The following KCNMB2 variants were observed in gnomAD, a reference collection of about 807,000 sequenced individuals.
The protein encoded by KCNMB2 is calcium-activated potassium channel subunit beta-2.
A neutral mutation model predicts 24.5 loss-of-function variants in KCNMB2; 9 were observed. That is an observed-to-expected ratio of 0.37 (90% CI 0.22 to 0.64). The LOEUF is 0.64. KCNMB2 is among the 30% of genes least tolerant of loss of function. The probability of loss-of-function intolerance (pLI) is 0.63; values close to 1 mark genes in which losing one functional copy is unlikely to be tolerated. For missense variants in KCNMB2, 226 were observed against 284.3 expected (o/e 0.79, Z 1.47); for synonymous variants, 109 against 104.4 (o/e 1.04, Z -0.27).
At chr3:178,744,587 T>C (rs906053156) in intron 1 of KCNMB2, among the ~76,000 whole-genome samples, 1 of 152,192 alleles carries the variant, frequency 6.6e-6, no homozygotes, top group Non-Finnish European at 1.5e-5. Context: ...TTGACAAACC[T>C]TGTTTCTTCA....
At chr3:178,838,478 CG>C (rs1337631257) in intron 4 of KCNMB2, among the ~76,000 whole-genome samples, 10 of 151,552 alleles carry the variant, frequency 6.6e-5, no homozygotes, top group African/African-American at 2.4e-4. Flanking sequence ...ACGTGGTTTA[CG>C]ATAAATGCCA....
chr3:178,791,363 C>A (rs1203361866), intron 1 of KCNMB2, among the ~76,000 whole-genome samples: 1 of 152,178 alleles, frequency 6.6e-6, no homozygotes, highest in Admixed American at 6.5e-5. Context: ...AGTCTTCCAA[C>A]AGCTGAACTA....
chr3:178,742,615 C>G (rs191090736), intron 1 of KCNMB2, among the ~76,000 whole-genome samples: 178 of 152,270 alleles, frequency 1.2e-3, no homozygotes, highest in Non-Finnish European at 2.5e-4. Context: ...ATTAACACCT[C>G]AGTTGAAACC....
intron 1 of KCNMB2, among the ~76,000 whole-genome samples, chr3:178,566,023 A>T (rs1372663432): frequency 6.6e-6 from 1 of 152,224 alleles, no homozygotes; most frequent in East Asian, 1.9e-4. Context: ...ATCAGGGCAG[A>T]TTCTTACTGG....
chr3:178,548,340 G>T (rs1715841910), intron 1 of KCNMB2, among the ~76,000 whole-genome samples: 1 of 152,130 alleles, frequency 6.6e-6, no homozygotes, highest in South Asian at 2.1e-4. Context: ...TAGTTTCCAA[G>T]CATGACCTTG....
chr3:178,745,334 C>T (rs1035248940), intron 1 of KCNMB2, among the ~76,000 whole-genome samples: 2 of 152,202 alleles, frequency 1.3e-5, no homozygotes, highest in African/African-American at 4.8e-5. Context: ...TATAGGAGAA[C>T]TCCCCCTTAT....
chr3:178,665,931 T>C (rs1348114180), intron 1 of KCNMB2, among the ~76,000 whole-genome samples: 1 of 152,192 alleles, frequency 6.6e-6, no homozygotes, highest in Non-Finnish European at 1.5e-5. Context: ...TGTCCAAGAA[T>C]AGCATCCCCG....
At position 178,539,533 on chromosome 3, in the gene KCNMB2, G is replaced by A. The variant is rs542814299; in HGVS notation, c.-68+2822G>A. 8.5e-5 allele frequency among the ~76,000 whole-genome samples: 13 copies of A among 152,192 alleles called. No individual in the cohort carries two copies. In the East Asian group the frequency reaches 2.5e-3, roughly 29 times the overall value. On this transcript the variant is annotated intron_variant, in intron 1 of 4. Transcript: ENST00000452583. ...TGTCTGTGATCCTGCTGCATATCAT[G>A]TAGTATGTCTTCACCTCAAATTCCA... is the stretch of plus-strand genomic sequence containing the variant.
chr3:178,761,854 A>G (rs895073592), intron 1 of KCNMB2, among the ~76,000 whole-genome samples: 1 of 152,178 alleles, frequency 6.6e-6, no homozygotes, highest in East Asian at 1.9e-4. Context: ...TCAGATTGTG[A>G]GGACTATGAA....
intron 4 of KCNMB2, among the ~76,000 whole-genome samples, chr3:178,833,717 G>C (rs1715126210): frequency 6.6e-6 from 1 of 152,152 alleles, no homozygotes; most frequent in Admixed American, 6.6e-5. Context: ...CAATCTGTCT[G>C]CAACTTGGTA....
In KCNMB2 at chr3:178,798,074, T is replaced by C. The variant is rs558892948; in HGVS notation, c.-67-9269T>C. Among the ~76,000 whole-genome samples the C allele has an allele frequency of 5.9e-5, 9 of 152,326 alleles. No homozygotes were observed. The South Asian group carries it at 1.7e-3, about 28-fold the overall frequency. On this transcript the variant is annotated intron_variant, in intron 1 of 4. Coordinates refer to ENST00000452583, the MANE Select transcript of KCNMB2 (RefSeq NM_181361.3). ...GTTTTCTAGATATAGGATCATGTCATGTGCAAACAAAGACAATTTGACTTC... is the reference window on the plus strand; with the variant it reads ...GTTTTCTAGATATAGGATCATGTCACGTGCAAACAAAGACAATTTGACTTC...
At chr3:178,724,758 G>A (rs753919825) in intron 1 of KCNMB2, among the ~76,000 whole-genome samples, 43 of 151,982 alleles carry the variant, frequency 2.8e-4, no homozygotes, top group Admixed American at 2.0e-3. Flanking sequence ...ATTGAATAGC[G>A]TACCTTTTCC....
At chr3:178,800,965 TA>T (rs1417747125) in intron 1 of KCNMB2, among the ~76,000 whole-genome samples, 2 of 152,118 alleles carry the variant, frequency 1.3e-5, no homozygotes, top group Non-Finnish European at 2.9e-5. Context: ...TTGTGGAAGC[TA>T]AAAGTTAAAA....
At chr3:178,820,853 G>A (rs1243323498) in intron 2 of KCNMB2, 1 of 152,154 alleles carries the variant, frequency 6.6e-6, no homozygotes, top group East Asian at 1.9e-4. Context: ...CAAAGGCTTT[G>A]AACAGAATGT....
intron 1 of KCNMB2, among the ~76,000 whole-genome samples, chr3:178,625,327 G>T (rs1393492833): frequency 6.6e-6 from 1 of 152,190 alleles, no homozygotes; most frequent in Non-Finnish European, 1.5e-5. Flanking sequence ...CCAGGCCCAG[G>T]AGCTGGACCC....
At chr3:178,638,535 A>G (rs1216327252) in intron 1 of KCNMB2, among the ~76,000 whole-genome samples, 2 of 152,118 alleles carry the variant, frequency 1.3e-5, no homozygotes, top group East Asian at 3.9e-4. Flanking sequence ...GCCTCCAAAC[A>G]CCTACAGTGT....
intron 1 of KCNMB2, among the ~76,000 whole-genome samples, chr3:178,602,252 T>A (rs1718108302): frequency 6.6e-6 from 1 of 152,014 alleles, no homozygotes; most frequent in African/African-American, 2.4e-5. Flanking sequence ...TAGAGCAGCA[T>A]GAACCCAGAG....
In KCNMB2 at chr3:178,542,342, T is replaced by C. The variant is rs148294828; in HGVS notation, c.-68+5631T>C. Among the ~76,000 whole-genome samples, 285 of 152,328 alleles carry C rather than the reference T, an allele frequency of 1.9e-3. 2 individuals carry two copies. The highest frequency in any genetic ancestry group is 6.5e-3 in the African/African-American group (269 of 41,568). On this transcript the variant is annotated intron_variant, in intron 1 of 4. Coordinates refer to ENST00000452583, the MANE Select transcript of KCNMB2 (RefSeq NM_181361.3). ...TGGTTGGGTTGAAGTTTAAATGTCA[T>C]AATATATACCACTTTCCCATTAGAG...
chr3:178,587,894 C>A (rs1717512818), intron 1 of KCNMB2, among the ~76,000 whole-genome samples: 1 of 138,078 alleles, frequency 7.2e-6, no homozygotes, highest in Non-Finnish European at 1.6e-5. Context: ...CCCCCCTCCC[C>A]CCACCCCACA....
Sources: allele counts gnomAD v4.1 joint callset (sites outside exome capture counted in the v4.1 genomes callset), GRCh38; gene constraint gnomAD v4.1.1; transcripts MANE v1.5; gene names NCBI Gene and HGNC (gene_info 2026-07-23, HGNC 2026-07-21).